The following CUL9 variants were observed in gnomAD, a reference collection of about 807,000 sequenced individuals.
CUL9 encodes cullin 9, also known as cullin-9.
Under a neutral mutation model 272.6 loss-of-function variants are expected in CUL9, and 79 were observed. The observed-to-expected ratio is 0.29, with a 90% CI of 0.24 to 0.35. The LOEUF (loss-of-function observed/expected upper bound fraction) is 0.35, where lower values mean the gene tolerates loss of function less well. Ranked by LOEUF, CUL9 falls within the 10% of genes least tolerant of loss-of-function variation. The probability of loss-of-function intolerance (pLI) is 1.00; values close to 1 mark genes in which losing one functional copy is unlikely to be tolerated. For synonymous variants in CUL9, 1,186 were observed against 1,286.5 expected, an observed-to-expected ratio of 0.92 and a Z score of 1.67; for missense variants, 2,532 against 3,255.6, an observed-to-expected ratio of 0.78 and a Z score of 5.41.
At position 43,219,327 on chromosome 6, in the gene CUL9, C is replaced by T. The variant is rs137991701; in HGVS notation, c.6283-1132C>T. ...ACAACAGCAATGCAAGAGAAGCAGC[C>T]GGACAGCTCCCAGGGTGAGCCCCAC... On this transcript the variant is annotated intron_variant, in intron 31 of 40. Transcript: ENST00000252050. 9.0e-4 allele frequency among the ~76,000 whole-genome samples: 137 copies of T among 152,254 alleles called. 1 individual carries two copies. The East Asian group carries it at 0.013, about 15-fold the overall frequency.
intron 26 of CUL9, among the ~76,000 whole-genome samples, chr6:43,211,700 C>T (rs752046149): frequency 2.6e-5 from 4 of 152,116 alleles, no homozygotes; most frequent in Non-Finnish European, 4.4e-5. Flanking sequence ...CAAATGTAGA[C>T]AGACTAAACT....
rs776347210 is a variant in CUL9, at chr6:43,215,131, C to T, written c.5741C>T (p.Thr1914Ile). The change falls in exon 30 of 41, where the codon ACT becomes ATT. Residue 1914 changes from threonine (T) to isoleucine (I), a missense_variant. Thr to Ile is a moderately conservative substitution (Grantham distance 89). Around this residue, in one of 3 missense-constraint regions of CUL9, gnomAD observed 2,218 missense variants for 2,788.6 expected, o/e 0.80. Coordinates refer to ENST00000252050, the MANE Select transcript of CUL9 (RefSeq NM_015089.4). The stretch of plus-strand genomic sequence containing the variant: ...AATCCTCCTGGAACCCTGGGCCACA[C>T]TGTTGCTGGGGGTGTGGCCTGTACC... Reference protein sequence around the residue: ...GPNPPGTLGHTVAGGVACTST... With the variant: ...GPNPPGTLGHIVAGGVACTST... 2 of 1,614,028 alleles carry T rather than the reference C, an allele frequency of 1.2e-6. No homozygotes were observed. The highest frequency in any genetic ancestry group is 1.1e-5 in the South Asian group (1 of 91,074).
At chr6:43,190,658 T>C (rs1773384449) in intron 8 of CUL9, among the ~76,000 whole-genome samples, 1 of 152,222 alleles carries the variant, frequency 6.6e-6, no homozygotes, top group Admixed American at 6.5e-5. Context: ...TGGTATATAA[T>C]AAATCATGGC....
At position 43,221,993 on chromosome 6, in the gene CUL9, C is replaced by T. The variant is rs1483890188; in HGVS notation, c.6846+215C>T. On this transcript the variant is annotated intron_variant, in intron 35 of 40. Transcript: ENST00000252050. This position sits in a 1 kb window ranked among gnomAD's most constrained non-coding sequence, Gnocchi z 4.2. ...AGCTCCAGAACAGGACTTCTCATACCGAGGTGGCTACAGAAAGGCTGGGGA... is the reference window on the plus strand; with the variant it reads ...AGCTCCAGAACAGGACTTCTCATACTGAGGTGGCTACAGAAAGGCTGGGGA... 1 of 596,436 alleles carries T rather than the reference C, an allele frequency of 1.7e-6. No individual in the cohort carries two copies. Among genetic ancestry groups the T allele is most frequent in the Non-Finnish European group, 3.0e-6 (1 of 337,438 alleles). 36.9% of individuals were successfully genotyped at this position (596,436 alleles called of 1,614,324 possible).
intron 2 of CUL9, among the ~76,000 whole-genome samples, chr6:43,185,224 A>G (rs1323555119): frequency 6.6e-6 from 1 of 152,202 alleles, no homozygotes; most frequent in East Asian, 1.9e-4. Flanking sequence ...TTTTTTTAAA[A>G]ACTTAAGTCA....
chr6:43,200,347 C>T lies in CUL9; in HGVS notation c.3385-89C>T. The T allele has an allele frequency of 2.5e-6, 4 of 1,604,524 alleles. No individual in the cohort carries two copies. Among genetic ancestry groups the T allele is most frequent in the Non-Finnish European group, 3.4e-6 (4 of 1,172,214 alleles). On this transcript the variant is annotated intron_variant, in intron 14 of 40. Transcript: ENST00000252050. This position sits in a 1 kb window ranked among gnomAD's most constrained non-coding sequence, Gnocchi z 4.0. ...GAGAGGAGTTGAGTATACCGTTGAC[C>T]CTTGACTTTTTCTCTCTACCTGTTT...
Position 43,224,326 on chromosome 6 carries a change from G to A in CUL9, c.7435G>A (p.Asp2479Asn). ...DEDDVPEWQQ[D>N]EFDEELDNDS... ...GGATGATGTGCCCGAGTGGCAGCAG[G>A]ATGAGTTTGATGAGGAGCTGGACAA... The change falls in exon 41 of 41, where the codon GAT becomes AAT. Residue 2479 changes from aspartate to asparagine, a missense_variant. Around this residue, in one of 3 missense-constraint regions of CUL9, gnomAD observed 237 missense variants for 305.9 expected, o/e 0.77. Coordinates refer to ENST00000252050, the MANE Select transcript of CUL9 (RefSeq NM_015089.4). The surrounding 1 kb of genome is among the most constrained non-coding windows in gnomAD (Gnocchi z 4.2). The A allele has an allele frequency of 6.2e-7, 1 of 1,614,244 alleles. No individual in the cohort carries two copies. The highest frequency in any genetic ancestry group is 8.5e-7 in the Non-Finnish European group (1 of 1,180,046).
Position 43,223,352 on chromosome 6 carries a change from G to A in CUL9, c.7239G>A (p.Arg2413=). The change falls in exon 39 of 41, where the codon CGG becomes CGA. Residue 2413 remains arginine, a synonymous_variant. Transcript: ENST00000252050. The surrounding 1 kb of genome is among the most constrained non-coding windows in gnomAD (Gnocchi z 4.1). Reference sequence around the variant, plus strand: ...TCAGCACGGGCATGGAGCTGCTCCGGCGGATCCAGGAGAGGCTGCTTGCCA... The same window carrying A: ...TCAGCACGGGCATGGAGCTGCTCCGACGGATCCAGGAGAGGCTGCTTGCCA... ...DCLSTGMELL[R]RIQERLLAIL... is the part of the protein sequence containing the mutation. 6.2e-7 allele frequency: 1 copy of A among 1,601,546 alleles called. No homozygotes were observed. Among genetic ancestry groups the A allele is most frequent in the African/African-American group, 1.3e-5 (1 of 74,950 alleles).
At chr6:43,208,647 T>C (rs559922795) in intron 26 of CUL9, among the ~76,000 whole-genome samples, 2 of 152,370 alleles carry the variant, frequency 1.3e-5, no homozygotes, top group African/African-American at 2.4e-5. Context: ...TCTAGAAGTC[T>C]GTTTTTCTCT....
At position 43,199,917 on chromosome 6, in the gene CUL9, C is replaced by T. The variant is rs16896333; in HGVS notation, c.3157-12C>T. The T allele has an allele frequency of 0.017, 26,727 of 1,603,290 alleles. 960 individuals carry two copies. Among genetic ancestry groups the T allele is most frequent in the African/African-American group, 0.14 (10,788 of 74,792 alleles). ...GTTTCCTGTAAATTAATCTATGTGGCTCTGGGCTCAGATTGTTCAGGAGCT... is the reference window on the plus strand; with the variant it reads ...GTTTCCTGTAAATTAATCTATGTGGTTCTGGGCTCAGATTGTTCAGGAGCT... On this transcript the variant is annotated splice_polypyrimidine_tract_variant and intron_variant, in intron 13 of 40. Coordinates refer to ENST00000252050, the MANE Select transcript of CUL9 (RefSeq NM_015089.4). The surrounding 1 kb of genome is among the most constrained non-coding windows in gnomAD (Gnocchi z 4.4).
chr6:43,205,492 A>T, intron 24 of CUL9, 69 bp downstream of exon 24: 1 of 1,537,252 alleles, frequency 6.5e-7, no homozygotes, highest in Non-Finnish European at 8.9e-7. Flanking sequence ...TTTGAGTCTT[A>T]TAGGGGAGAT....
At position 43,200,367 on chromosome 6, in the gene CUL9, C is replaced by T. The variant is rs945771674; in HGVS notation, c.3385-69C>T. ...TTGACCCTTGACTTTTTCTCTCTACCTGTTTCTGGGCATTTCTCTGTGTTC... is the reference window on the plus strand; with the variant it reads ...TTGACCCTTGACTTTTTCTCTCTACTTGTTTCTGGGCATTTCTCTGTGTTC... On this transcript the variant is annotated intron_variant, in intron 14 of 40. Transcript: ENST00000252050. The surrounding 1 kb of genome is among the most constrained non-coding windows in gnomAD (Gnocchi z 4.0). The T allele has an allele frequency of 4.3e-5, 70 of 1,612,374 alleles. No individual in the cohort carries two copies. Among genetic ancestry groups the T allele is most frequent in the Admixed American group, 3.3e-5 (2 of 59,956 alleles).
Position 43,196,651 on chromosome 6 carries a change from T to C in CUL9, c.2592T>C (p.Ser864=), listed in dbSNP as rs1338259285. Residue 864 remains serine, a synonymous_variant, in exon 11 of 41, where the codon TCT becomes TCC. Coordinates refer to ENST00000252050, the MANE Select transcript of CUL9 (RefSeq NM_015089.4). ...GTCACCTCCCTCCTCCCAGGTGCTCTTCTGCAGCGAGAAATGGCTTACTCC... is the reference window on the plus strand; with the variant it reads ...GTCACCTCCCTCCTCCCAGGTGCTCCTCTGCAGCGAGAAATGGCTTACTCC... The part of the protein sequence containing the change: ...VILMLNTEGC[S]SAARNGLLLL... The C allele has an allele frequency of 1.2e-6, 2 of 1,614,106 alleles. No homozygotes were observed. The highest frequency in any genetic ancestry group is 1.7e-5 in the Admixed American group (1 of 60,016).
intron 16 of CUL9, among the ~76,000 whole-genome samples, chr6:43,202,274 G>C (rs557835216): frequency 6.6e-6 from 1 of 152,332 alleles, no homozygotes; most frequent in Admixed American, 6.5e-5. Context: ...GTGCCTGTGG[G>C]ACATGACATG....
chr6:43,221,029 C>T lies in CUL9; in HGVS notation c.6588+118C>T, dbSNP rs1169409798. On this transcript the variant is annotated intron_variant, in intron 33 of 40. Transcript: ENST00000252050. The surrounding 1 kb of genome is among the most constrained non-coding windows in gnomAD (Gnocchi z 4.2). ...TTGTCCTTCCTCAGCCTCTGCCACC[C>T]AGTTGAGCTCTGTTCCTCTTCCTGG... is the stretch of plus-strand genomic sequence containing the variant. 2 of 1,468,568 alleles carry T rather than the reference C, an allele frequency of 1.4e-6. No individual in the cohort carries two copies. Among genetic ancestry groups the T allele is most frequent in the African/African-American group, 2.8e-5 (2 of 71,490 alleles). 91.0% of individuals were successfully genotyped at this position (1,468,568 alleles called of 1,614,324 possible).
chr6:43,220,725 C>T lies in CUL9; in HGVS notation c.6424-22C>T, dbSNP rs368071698. 47 of 1,609,144 alleles carry T rather than the reference C, an allele frequency of 2.9e-5. No homozygotes were observed. The highest frequency in any genetic ancestry group is 4.5e-5 in the East Asian group (2 of 44,838). ...ATCCTGGAGAGCCATACCCTCACCT[C>T]GTGGCACCTGCGTCTCCACAGTATG... is the stretch of plus-strand genomic sequence containing the variant. On this transcript the variant is annotated intron_variant, in intron 32 of 40. Transcript: ENST00000252050. This position sits in a 1 kb window ranked among gnomAD's most constrained non-coding sequence, Gnocchi z 4.9.
chr6:43,223,252 C>T lies in CUL9; in HGVS notation c.7151-12C>T, dbSNP rs1301293773. The T allele has an allele frequency of 6.3e-7, 1 of 1,589,776 alleles. No homozygotes were observed. Among genetic ancestry groups the T allele is most frequent in the Non-Finnish European group, 8.6e-7 (1 of 1,166,228 alleles). The stretch of plus-strand genomic sequence containing the variant: ...AGAAGGGAGGGAGCCTCTGTGCCTG[C>T]CCCCTCTGCAGAGGAAACCCTGCTG... On this transcript the variant is annotated splice_polypyrimidine_tract_variant and intron_variant, in intron 38 of 40. Transcript: ENST00000252050. The surrounding 1 kb of genome is among the most constrained non-coding windows in gnomAD (Gnocchi z 4.1).
At position 43,216,390 on chromosome 6, in the gene CUL9, G is replaced by A. The variant is rs756691631; in HGVS notation, c.6169G>A (p.Val2057Ile). Residue 2057 changes from valine to isoleucine, a missense_variant, in exon 31 of 41, where the codon GTA (valine) becomes ATA (isoleucine). Coordinates refer to ENST00000252050, the MANE Select transcript of CUL9 (RefSeq NM_015089.4). ...ACTGCTGCTGGCAGCTGGGCTGTGC[G>A]TACACCAGGCTCAGGCTGTACCCGT... ...EPLLLAAGLCVHQAQAVPVRP... is the reference protein window; with the variant it reads ...EPLLLAAGLCIHQAQAVPVRP... 3.5e-5 allele frequency: 57 copies of A among 1,613,988 alleles called. No homozygotes were observed. The highest frequency in any genetic ancestry group is 4.4e-5 in the South Asian group (4 of 91,088).
intron 8 of CUL9, among the ~76,000 whole-genome samples, chr6:43,192,630 C>T (rs751566271): frequency 1.3e-5 from 2 of 152,142 alleles, no homozygotes; most frequent in Non-Finnish European, 2.9e-5. Context: ...GAGCTGAGAT[C>T]GCGCCATTGC....
Sources: allele counts gnomAD v4.1 joint callset (sites outside exome capture counted in the v4.1 genomes callset), GRCh38; gene constraint gnomAD v4.1.1; regional missense constraint gnomAD v4.1.1; non-coding constraint Gnocchi (gnomAD v3.1); transcripts MANE v1.5; gene names NCBI Gene and HGNC (gene_info 2026-07-23, HGNC 2026-07-21).